STK11: variants seen among roughly 807,000 people sequenced by gnomAD.
The protein encoded by STK11 is serine/threonine-protein kinase STK11.
A neutral mutation model predicts 47.3 loss-of-function variants in STK11; 8 were observed. The ratio of observed to expected loss-of-function variants is 0.17; its 90% confidence interval spans 0.10 to 0.31. The LOEUF (loss-of-function observed/expected upper bound fraction) is 0.31. Ranked by LOEUF, STK11 falls within the 10% of genes least tolerant of loss-of-function variation. The pLI, the probability that STK11 is intolerant of heterozygous loss-of-function variation, is 1.00. For synonymous variants in STK11, 330 were observed against 255.8 expected (o/e 1.29, Z -2.77); for missense variants, 475 against 605.0 (o/e 0.79, Z 2.25).
chr19:1,226,372 C>T, intron 8 of STK11, 82 bp from the exon 9 acceptor site: 1 of 1,549,330 alleles, frequency 6.5e-7, no homozygotes, highest in Non-Finnish European at 8.7e-7. Flanking sequence ...TAAGTGCGTC[C>T]CCGTGGTGGG....
chr19:1,216,815 CGACA>C (rs2080747734), intron 1 of STK11, among the ~76,000 whole-genome samples: 1 of 147,150 alleles, frequency 6.8e-6, no homozygotes, highest in Non-Finnish European at 1.5e-5. Context: ...CCAGCCTGGG[CGACA>C]GGGAAACCCT....
At chr19:1,211,272 C>T (rs576334268) in intron 1 of STK11, among the ~76,000 whole-genome samples, 12 of 152,304 alleles carry the variant, frequency 7.9e-5, no homozygotes, top group Non-Finnish European at 1.5e-4. Flanking sequence ...GAGAGAAGAG[C>T]GAAATTGTGT....
Position 1,213,788 on chromosome 19 carries a change from G to C in STK11, c.291-4629G>C, listed in dbSNP as rs886193520. 2.6e-5 allele frequency among the ~76,000 whole-genome samples: 4 copies of C among 152,348 alleles called. No homozygotes were observed. The South Asian group carries it at 8.3e-4, about 32-fold the overall frequency. ...TGAGGGCCTTGTTTCAGCCACATCA[G>C]GAGGGATTCAGGGACCAGGGCACGC... On this transcript the variant is annotated intron_variant, in intron 1 of 9. Coordinates refer to ENST00000326873, the MANE Select transcript of STK11 (RefSeq NM_000455.5).
At chr19:1,220,781 G>A (rs2080778005) in intron 5 of STK11, 64 bp downstream of exon 5, 2 of 1,542,062 alleles carry the variant, frequency 1.3e-6, no homozygotes, top group East Asian at 2.3e-5. Flanking sequence ...TGCGTCTTGG[G>A]CAGCTGCCGG....
chr19:1,219,568 T>C (rs1449744887), intron 3 of STK11, among the ~76,000 whole-genome samples, 155 bp downstream of exon 3: 1 of 151,688 alleles, frequency 6.6e-6, no homozygotes, highest in Non-Finnish European at 1.5e-5. Context: ...TTTTTCGAGA[T>C]GGAGTCTCAC....
At position 1,228,070 on chromosome 19, in the gene STK11, T is replaced by C; in HGVS notation, c.*494T>C. The C allele has an allele frequency of 6.6e-6, 7 of 1,065,046 alleles. No individual in the cohort carries two copies. The highest frequency in any genetic ancestry group is 8.0e-6 in the Non-Finnish European group (7 of 879,272). The allele number at this position is 1,065,046 out of a possible 1,614,324, so 66.0% of individuals were successfully genotyped here. On this transcript the variant is annotated 3_prime_UTR_variant, in exon 10 of 10. Coordinates refer to ENST00000326873, the MANE Select transcript of STK11 (RefSeq NM_000455.5). ...CATTTTCTTTTTTTCTTTTTTTTTT[T>C]AAGAAAAAATAAAAGGTGGATTTGA...
chr19:1,211,468 G>C (rs1215302235), intron 1 of STK11, among the ~76,000 whole-genome samples: 2 of 152,122 alleles, frequency 1.3e-5, no homozygotes, highest in East Asian at 3.9e-4. Flanking sequence ...TCTGGGGGGG[G>C]GGGTGCAGGC....
intron 8 of STK11, chr19:1,224,843 G>A (rs2080809753): frequency 2.0e-6 from 2 of 985,540 alleles, no homozygotes; most frequent in African/African-American, 3.5e-5. Flanking sequence ...GGGTACTCAG[G>A]TGGACGCCCC....
At chr19:1,227,432 G>C in intron 9 of STK11, 161 bp from the exon 10 acceptor site, 1 of 680,604 alleles carries the variant, frequency 1.5e-6, no homozygotes, top group Non-Finnish European at 1.9e-6. Context: ...AATGTACCCC[G>C]GGAGTGACTC....
chr19:1,210,560 C>T (rs1330984161), intron 1 of STK11, among the ~76,000 whole-genome samples: 3 of 152,174 alleles, frequency 2.0e-5, no homozygotes, highest in Non-Finnish European at 4.4e-5. Flanking sequence ...TAGGAAAGTT[C>T]CAAAAAGCAT....
rs752781994 is a variant in STK11, at chr19:1,223,137, A to G, written c.1073A>G (p.Asp358Gly). The change falls in exon 8 of 10, where the codon GAT becomes GGT. Residue 358 changes from aspartate to glycine, a missense_variant. Asp to Gly is a moderately conservative substitution (Grantham distance 94, BLOSUM62 -1). This residue lies in a region of STK11 where 219 missense variants were observed against 189.2 expected (regional missense o/e 1.16). Transcript: ENST00000326873. ...DEDEDLFDIEDDIIYTQDFTV... is the reference protein window; with the variant it reads ...DEDEDLFDIEGDIIYTQDFTV... ...GACGAGGACCTCTTCGACATCGAGG[A>G]TGACATCATCTACACTCAGGACTTC... 1 of 1,611,818 alleles carries G rather than the reference A, an allele frequency of 6.2e-7. No individual in the cohort carries two copies. The highest frequency in any genetic ancestry group is 2.2e-5 in the East Asian group (1 of 44,856).
In STK11 at chr19:1,228,192, T is replaced by C. The variant is rs10415095; in HGVS notation, c.*616T>C. ...CCGCCTTTGCGCTCTCGGGTCACCC[T>C]GCTTTGGCGGCCCGGCCGGAGGGCA... is the stretch of plus-strand genomic sequence containing the variant. On this transcript the variant is annotated 3_prime_UTR_variant, in exon 10 of 10. Transcript: ENST00000326873. 0.51 allele frequency: 523,848 copies of C among 1,023,228 alleles called. 139,397 individuals carry two copies. The highest frequency in any genetic ancestry group is 0.98 in the East Asian group (19,657 of 20,014). The allele number at this position is 1,023,228 out of a possible 1,614,324, so 63.4% of individuals were successfully genotyped here. A position where few individuals can be genotyped will look rare whatever the true frequency, so the allele number is the denominator to read the frequency against.
At chr19:1,226,159 G>A in intron 8 of STK11, 1 of 1,250,174 alleles carries the variant, frequency 8.0e-7, no homozygotes, top group Non-Finnish European at 1.0e-6. Flanking sequence ...CTACTCGTGA[G>A]GTTCCTGCAG....
At chr19:1,227,533 CGCGGGAGGCG>C in intron 9 of STK11, 50 bp from the exon 10 acceptor site, 4 of 1,061,724 alleles carry the variant, frequency 3.8e-6, no homozygotes, top group Non-Finnish European at 3.4e-6. Flanking sequence ...CCCAGGGGCC[CGCGGGAGGCG>C]GAGAACCGGT....
At chr19:1,226,689 G>C in intron 9 of STK11, 26 bp downstream of exon 9, 2 of 1,467,532 alleles carry the variant, frequency 1.4e-6, no homozygotes, top group Non-Finnish European at 1.8e-6. Context: ...GCCCGGGTGG[G>C]GCATGTGGGG....
At chr19:1,212,738 G>C (rs1192408542) in intron 1 of STK11, among the ~76,000 whole-genome samples, 1 of 151,874 alleles carries the variant, frequency 6.6e-6, no homozygotes, top group African/African-American at 2.4e-5. Flanking sequence ...TAGAGACGGG[G>C]TTTCACCGTG....
chr19:1,227,924 C>G lies in STK11; in HGVS notation c.*348C>G, dbSNP rs983491595. ...CTCGTGCTCCGCAGGGCGCCCAGCG[C>G]CGTCCGGCGGCCCCGCCGCAGACCA... is the stretch of plus-strand genomic sequence containing the variant. On this transcript the variant is annotated 3_prime_UTR_variant, in exon 10 of 10. Transcript: ENST00000326873. The G allele has an allele frequency of 2.7e-5, 29 of 1,070,216 alleles. No individual in the cohort carries two copies. Among genetic ancestry groups the G allele is most frequent in the Non-Finnish European group, 3.3e-5 (29 of 882,346 alleles). 66.3% of individuals were successfully genotyped at this position (1,070,216 alleles called of 1,614,324 possible).
chr19:1,208,316 T>TC (rs1468319646), intron 1 of STK11, among the ~76,000 whole-genome samples: 2 of 149,828 alleles, frequency 1.3e-5, no homozygotes, highest in African/African-American at 4.9e-5. Flanking sequence ...ATTTTTTTTT[T>TC]TTTTTTTTTG....
intron 6 of STK11, chr19:1,221,665 G>C: frequency 1.7e-6 from 1 of 587,248 alleles, no homozygotes; most frequent in Admixed American, 3.0e-5. Context: ...CATGGCAGCA[G>C]GTGGCACTGG....
Sources: gnomAD v4.1 joint callset for allele counts (sites outside exome capture counted in the v4.1 genomes callset) on GRCh38, gnomAD v4.1.1 for gene constraint, gnomAD v4.1.1 regional missense constraint, MANE v1.5 for transcripts, NCBI Gene and HGNC (gene_info 2026-07-23, HGNC 2026-07-21) for gene names.